Variants in PCOLCE2 observed in about 807,000 individuals in gnomAD.
The protein encoded by PCOLCE2 is procollagen C-proteinase enhancer 2.
Under a neutral mutation model 47.0 loss-of-function variants are expected in PCOLCE2, and 42 were observed. The ratio of observed to expected loss-of-function variants is 0.89; its 90% CI spans 0.70 to 1.16. PCOLCE2 has a LOEUF of 1.16. PCOLCE2 is among the 50% of genes most tolerant of loss of function. PCOLCE2 has a pLI of 0.00. For missense variants in PCOLCE2, 500 were observed against 526.1 expected (o/e 0.95, Z 0.49); for synonymous variants, 169 against 191.7 (o/e 0.88, Z 0.98).
chr3:142,885,347 C>T (rs1227839795), intron 2 of PCOLCE2, among the ~76,000 whole-genome samples: 2 of 152,238 alleles, frequency 1.3e-5, no homozygotes, highest in African/African-American at 4.8e-5. Context: ...CTGAGGCTTT[C>T]CCATCTCCAG....
intron 2 of PCOLCE2, among the ~76,000 whole-genome samples, chr3:142,880,428 A>C (rs539163081): frequency 1.1e-4 from 17 of 152,222 alleles, no homozygotes; most frequent in Non-Finnish European, 2.4e-4. Flanking sequence ...ACCCTTAGGT[A>C]TAATTAAGTG....
At chr3:142,840,547 T>A (rs1363064704) in intron 4 of PCOLCE2, among the ~76,000 whole-genome samples, 5 of 152,218 alleles carry the variant, frequency 3.3e-5, no homozygotes. Flanking sequence ...AGCAACAGCA[T>A]CACAGATGGA....
chr3:142,821,487 G>A (rs932912900), intron 7 of PCOLCE2, among the ~76,000 whole-genome samples: 1 of 152,086 alleles, frequency 6.6e-6, no homozygotes, highest in African/African-American at 2.4e-5. Flanking sequence ...GTGTCGGTGT[G>A]GGTGTGTAGC....
rs747452636 is a variant in PCOLCE2 at position 142,829,693 on chromosome 3, C to T, written c.864G>A (p.Thr288=). 8.9e-6 allele frequency: 14 copies of T among 1,566,756 alleles called. No individual in the cohort carries two copies. The highest frequency in any genetic ancestry group is 3.7e-5 in the South Asian group (3 of 80,154). Residue 288 remains threonine, a splice_region_variant and synonymous_variant, in exon 6 of 9, where the codon ACG becomes ACA. Transcript: ENST00000295992. Reference sequence around the variant, plus strand: ...AAACTTCCAAACAGGAAAACTTACCCGTGGTTACAGGGAATGTGGTGGTGA... The same window carrying T: ...AAACTTCCAAACAGGAAAACTTACCTGTGGTTACAGGGAATGTGGTGGTGA... ...QPVTTTFPVT[T]GLKPTVALCQ... is the part of the protein sequence containing the mutation.
chr3:142,844,032 TGCCACCCAATCCCCACGACCTGCTTC>T, intron 3 of PCOLCE2, among the ~76,000 whole-genome samples: 1 of 152,204 alleles, frequency 6.6e-6, no homozygotes, highest in Non-Finnish European at 1.5e-5. Context: ...CTATCTATAT[TGCCACCCAATCCCCACGACCTGCTTC>T]ATTGTTTTTA....
intron 2 of PCOLCE2, among the ~76,000 whole-genome samples, chr3:142,852,421 T>C (rs534351003): frequency 6.6e-6 from 1 of 152,152 alleles, no homozygotes; most frequent in East Asian, 1.9e-4. Context: ...AAATAAAAAA[T>C]ACAGAAAGAT....
At chr3:142,862,334 C>T (rs965139277) in intron 2 of PCOLCE2, among the ~76,000 whole-genome samples, 3 of 152,192 alleles carry the variant, frequency 2.0e-5, no homozygotes, top group Middle Eastern at 3.2e-3. Flanking sequence ...CCTACTGACA[C>T]CTCCCTTCTC....
rs149839601 is a variant in PCOLCE2, at chr3:142,885,156, A to G, written c.192+2513T>C. ...ACTAGGATTCACCTTTCTTAAAGCA[A>G]AAGTTAAAATCAGACATTTCCCATT... On this transcript the variant is annotated intron_variant, in intron 2 of 8. Coordinates refer to ENST00000295992, the MANE Select transcript of PCOLCE2 (RefSeq NM_013363.4). Among the ~76,000 whole-genome samples the G allele has an allele frequency of 2.0e-4, 30 of 152,364 alleles. No homozygotes were observed. In the East Asian group the frequency reaches 5.8e-3, roughly 29 times the overall value.
intron 2 of PCOLCE2, among the ~76,000 whole-genome samples, chr3:142,884,779 T>C (rs181879023): frequency 1.9e-4 from 29 of 152,264 alleles, no homozygotes; most frequent in Middle Eastern, 3.4e-3. Flanking sequence ...TCCTCAACAT[T>C]TTACGTGAGT....
intron 2 of PCOLCE2, among the ~76,000 whole-genome samples, chr3:142,882,766 A>C (rs1413746678): frequency 1.3e-5 from 2 of 152,154 alleles, no homozygotes; most frequent in African/African-American, 4.8e-5. Flanking sequence ...TTTTAAAAAC[A>C]GATTTGTAAA....
At chr3:142,827,228 C>A in intron 6 of PCOLCE2, 1 of 1,230,268 alleles carries the variant, frequency 8.1e-7, no homozygotes, top group Non-Finnish European at 1.2e-6. Flanking sequence ...CTGGTGGTTG[C>A]CACCTCCAAA....
At chr3:142,852,021 G>C (rs1251592276) in intron 2 of PCOLCE2, among the ~76,000 whole-genome samples, 1 of 152,128 alleles carries the variant, frequency 6.6e-6, no homozygotes, top group Non-Finnish European at 1.5e-5. Flanking sequence ...TAGAAACTGG[G>C]TTACATCATT....
intron 1 of PCOLCE2, among the ~76,000 whole-genome samples, chr3:142,888,054 A>G (rs1386955517): frequency 1.3e-5 from 2 of 152,228 alleles, no homozygotes; most frequent in Non-Finnish European, 2.9e-5. Context: ...AAAGTCTTGT[A>G]GGAAAATGGT....
intron 2 of PCOLCE2, among the ~76,000 whole-genome samples, chr3:142,863,310 A>T (rs1933217709): frequency 6.6e-6 from 1 of 152,202 alleles, no homozygotes; most frequent in Admixed American, 6.5e-5. Context: ...GAAAGGTTTG[A>T]TGTTGTTTTG....
intron 2 of PCOLCE2, among the ~76,000 whole-genome samples, chr3:142,865,000 T>C (rs1933254131): frequency 6.6e-6 from 1 of 152,232 alleles, no homozygotes; most frequent in Non-Finnish European, 1.5e-5. Flanking sequence ...TTTTCATTTC[T>C]CCTGCATCTA....
Position 142,888,979 on chromosome 3 carries a change from C to CAG in PCOLCE2, c.-84_-83insCT. ...CTCCGCACCCACCGCGCTCACACCG[C>CAG]CGCTCACACTGGCAGCAGCGCTGGC... On this transcript the variant is annotated 5_prime_UTR_variant, in exon 1 of 9. Transcript: ENST00000295992. 7.7e-6 allele frequency: 3 copies of CAG among 387,446 alleles called. No homozygotes were observed. Among genetic ancestry groups the CAG allele is most frequent in the South Asian group, 5.3e-5 (1 of 18,952 alleles). The allele number at this position is 387,446 out of a possible 1,614,324, so 24.0% of individuals were successfully genotyped here.
At chr3:142,875,932 C>G (rs1030027800) in intron 2 of PCOLCE2, among the ~76,000 whole-genome samples, 4 of 152,218 alleles carry the variant, frequency 2.6e-5, no homozygotes, top group African/African-American at 9.7e-5. Flanking sequence ...AAGGCCTTTC[C>G]ATTCATAAAC....
At chr3:142,819,627 C>T (rs929855471) in intron 8 of PCOLCE2, among the ~76,000 whole-genome samples, 1 of 152,188 alleles carries the variant, frequency 6.6e-6, no homozygotes, top group Non-Finnish European at 1.5e-5. Flanking sequence ...TCTGAATTCA[C>T]AGTAAAGCTT....
At chr3:142,883,910 G>A (rs1291342661) in intron 2 of PCOLCE2, among the ~76,000 whole-genome samples, 1 of 152,146 alleles carries the variant, frequency 6.6e-6, no homozygotes, top group Non-Finnish European at 1.5e-5. Flanking sequence ...AACGTAAGAT[G>A]CCTGGTGGGC....
Sources: gnomAD v4.1 joint callset for allele counts (sites outside exome capture counted in the v4.1 genomes callset) on GRCh38, gnomAD v4.1.1 for gene constraint, MANE v1.5 for transcripts, NCBI Gene and HGNC (gene_info 2026-07-23, HGNC 2026-07-21) for gene names.